SYCP1: variants seen among roughly 807,000 people sequenced by gnomAD.
SYCP1 encodes synaptonemal complex protein 1.
A neutral mutation model predicts 153.1 loss-of-function variants in SYCP1; 64 were observed. The observed-to-expected ratio is 0.42, with a 90% confidence interval of 0.34 to 0.51. SYCP1 has a LOEUF of 0.51. SYCP1 is among the 20% of genes least tolerant of loss of function. The pLI is 0.06. For synonymous variants in SYCP1, 384 were observed against 341.8 expected, an observed-to-expected ratio of 1.12 and a Z score of -1.36; for missense variants, 997 against 1,049.0, an observed-to-expected ratio of 0.95 and a Z score of 0.68.
At chr1:114,909,910 T>A (rs1668070849) in intron 16 of SYCP1, among the ~76,000 whole-genome samples, 1 of 152,224 alleles carries the variant, frequency 6.6e-6, no homozygotes, top group African/African-American at 2.4e-5. Context: ...TCTTCTGCAC[T>A]ATTGCTAGTG....
At chr1:114,929,009 A>G (rs942908433) in intron 23 of SYCP1, among the ~76,000 whole-genome samples, 1 of 152,144 alleles carries the variant, frequency 6.6e-6, no homozygotes, top group Non-Finnish European at 1.5e-5. Flanking sequence ...TAAACAGCCA[A>G]CTTTTCATTG....
chr1:114,893,372 C>G (rs1174525249), intron 15 of SYCP1, among the ~76,000 whole-genome samples: 2 of 151,948 alleles, frequency 1.3e-5, no homozygotes, highest in South Asian at 2.1e-4. Context: ...ATCTGTATCT[C>G]TATCTATCTC....
At chr1:114,937,297 G>T (rs1670080272) in intron 23 of SYCP1, among the ~76,000 whole-genome samples, 1 of 152,118 alleles carries the variant, frequency 6.6e-6, no homozygotes, top group Admixed American at 6.6e-5. Flanking sequence ...AATGGGGAAA[G>T]GATTCCCTAT....
intron 20 of SYCP1, among the ~76,000 whole-genome samples, chr1:114,923,076 G>T (rs1669000971): frequency 6.6e-6 from 1 of 152,140 alleles, no homozygotes; most frequent in Non-Finnish European, 1.5e-5. Flanking sequence ...GGGCAGCTCT[G>T]CCCCTGTTGC....
chr1:114,947,206 C>A lies in SYCP1; in HGVS notation c.2248-40C>A, dbSNP rs1205446582. 8 of 1,422,902 alleles carry A rather than the reference C, an allele frequency of 5.6e-6. 2 individuals are homozygous for A. The South Asian group carries it at 6.0e-5, about 11-fold the overall frequency. The allele number at this position is 1,422,902 out of a possible 1,614,324, so 88.1% of individuals were successfully genotyped here. On this transcript the variant is annotated intron_variant, in intron 26 of 31. Coordinates refer to ENST00000369522, the MANE Select transcript of SYCP1 (RefSeq NM_003176.4). The stretch of plus-strand genomic sequence containing the variant: ...TATATTTTCATTGTCTTGAGAAATA[C>A]ATGGAAGCTCTTCTAAACTTCATGT...
rs759441178 is a variant in SYCP1, at chr1:114,866,508, T to G, written c.598+5699T>G. ...GGTAAGGTGTCTGTTAAGGTCTTTG[T>G]CCCATTTTTTAATCAGGTTGCATGT... On this transcript the variant is annotated intron_variant, in intron 8 of 31. Coordinates refer to ENST00000369522, the MANE Select transcript of SYCP1 (RefSeq NM_003176.4). 1.7e-4 allele frequency among the ~76,000 whole-genome samples: 26 copies of G among 152,162 alleles called. 1 individual carries two copies. The highest frequency in any genetic ancestry group is 7.9e-4 in the Admixed American group (12 of 15,270).
At chr1:114,984,556 A>G (rs1231792421) in intron 29 of SYCP1, among the ~76,000 whole-genome samples, 169 bp from the exon 30 acceptor site, 1 of 152,048 alleles carries the variant, frequency 6.6e-6, no homozygotes, top group East Asian at 1.9e-4. Flanking sequence ...TATCAAAAAC[A>G]TTTGAATTAA....
chr1:114,982,410 T>C (rs1673217339), intron 29 of SYCP1, among the ~76,000 whole-genome samples: 2 of 151,858 alleles, frequency 1.3e-5, no homozygotes, highest in Non-Finnish European at 2.9e-5. Flanking sequence ...TGAGACTTTG[T>C]TTTTCTTCAT....
chr1:114,930,724 A>T (rs1279533575), intron 23 of SYCP1, among the ~76,000 whole-genome samples: 1 of 151,974 alleles, frequency 6.6e-6, no homozygotes, highest in Non-Finnish European at 1.5e-5. Flanking sequence ...GAAGAGTGAA[A>T]ACAATTCTCA....
At chr1:114,971,882 T>C (rs2101916419) in intron 27 of SYCP1, among the ~76,000 whole-genome samples, 1 of 152,308 alleles carries the variant, frequency 6.6e-6, no homozygotes, top group South Asian at 2.1e-4. Flanking sequence ...TTTTCTTTTT[T>C]TGATGTGTCT....
intron 27 of SYCP1, among the ~76,000 whole-genome samples, chr1:114,976,560 G>A (rs114537953): frequency 1.1e-3 from 165 of 146,124 alleles, no homozygotes; most frequent in African/African-American, 3.7e-3. Context: ...GGTTTCTCCC[G>A]TCTGTCCTCT....
At chr1:114,881,754 G>A (rs750350164) in intron 12 of SYCP1, among the ~76,000 whole-genome samples, 2 of 152,048 alleles carry the variant, frequency 1.3e-5, no homozygotes, top group Non-Finnish European at 2.9e-5. Flanking sequence ...CTCCTGCCTT[G>A]GCTTCCCAAA....
At position 114,878,186 on chromosome 1, in the gene SYCP1, A is replaced by G. The variant is rs772173469; in HGVS notation, c.894A>G (p.Gln298=). 2.6e-6 allele frequency: 4 copies of G among 1,550,182 alleles called. No homozygotes were observed. The Admixed American group carries it at 7.3e-5, about 28-fold the overall frequency. The stretch of plus-strand genomic sequence containing the variant: ...AGGAATCCAGAGATAAAGTTAATCA[A>G]TTAGAGGAAAAGACAAGTAAGAGTT... ...LLEESRDKVN[Q]LEEKTKLQSE... is the part of the protein sequence containing the mutation. The change falls in exon 12 of 32, where the codon CAA becomes CAG. Residue 298 remains glutamine (Q), a synonymous_variant. Coordinates refer to ENST00000369522, the MANE Select transcript of SYCP1 (RefSeq NM_003176.4).
At chr1:114,984,627 T>C in intron 29 of SYCP1, 98 bp from the exon 30 acceptor site, 4 of 1,007,572 alleles carry the variant, frequency 4.0e-6, no homozygotes, top group Non-Finnish European at 5.2e-6. Flanking sequence ...TTCTGATTGC[T>C]AAGGACTCAA....
chr1:114,862,352 GTTT>G (rs67029711), intron 8 of SYCP1, among the ~76,000 whole-genome samples: 8 of 140,314 alleles, frequency 5.7e-5, no homozygotes, highest in East Asian at 2.1e-4. Context: ...TTTGTTCTTT[GTTT>G]TTTTTTTTTT....
chr1:114,903,453 A>G (rs1667605273), intron 16 of SYCP1, among the ~76,000 whole-genome samples: 1 of 152,186 alleles, frequency 6.6e-6, no homozygotes, highest in African/African-American at 2.4e-5. Flanking sequence ...AAATCTGGAG[A>G]AAAAATACAG....
intron 27 of SYCP1, among the ~76,000 whole-genome samples, chr1:114,950,656 T>C (rs360676): frequency 0.42 from 64,028 of 151,818 alleles, 14,104 homozygotes; most frequent in African/African-American, 0.55. Flanking sequence ...GTTACTTTTT[T>C]GAAATTTCTT....
intron 27 of SYCP1, among the ~76,000 whole-genome samples, chr1:114,969,302 T>G (rs1242552039): frequency 6.6e-6 from 1 of 152,090 alleles, no homozygotes; most frequent in Non-Finnish European, 1.5e-5. Context: ...CCCCAGGTGC[T>G]TTGTTCCAGG....
At chr1:114,906,557 G>A (rs1294113566) in intron 16 of SYCP1, among the ~76,000 whole-genome samples, 1 of 151,998 alleles carries the variant, frequency 6.6e-6, no homozygotes, top group Non-Finnish European at 1.5e-5. Flanking sequence ...TTTATGTGTT[G>A]TATTCTCATT....
Sources: allele counts gnomAD v4.1 joint callset (sites outside exome capture counted in the v4.1 genomes callset), GRCh38; gene constraint gnomAD v4.1.1; transcripts MANE v1.5; gene names NCBI Gene and HGNC (gene_info 2026-07-23, HGNC 2026-07-21).